The following SULT1C3 variants were observed in gnomAD, a reference collection of about 807,000 sequenced individuals.
The protein encoded by SULT1C3 is sulfotransferase family 1C member 3.
Under a neutral mutation model 28.4 loss-of-function variants are expected in SULT1C3, and 31 were observed. That is an observed-to-expected ratio of 1.09 (90% CI 0.82 to 1.47). The LOEUF is 1.47. Among genes scored for constraint, SULT1C3 ranks in the 40% most tolerant of loss-of-function variants. The pLI is 0.00. For synonymous variants in SULT1C3, 106 were observed against 92.2 expected, an observed-to-expected ratio of 1.15 and a Z score of -0.86; for missense variants, 307 against 272.5, an observed-to-expected ratio of 1.13 and a Z score of -0.89.
At chr2:108,262,694 G>C (rs1676050221), downstream of SULT1C3, among the ~76,000 whole-genome samples, 1 of 152,144 alleles carries the variant, frequency 6.6e-6, no homozygotes, top group African/African-American at 2.4e-5. Flanking sequence ...GCATATTTTG[G>C]CTATGGGCTA....
intron 1 of SULT1C3, among the ~76,000 whole-genome samples, chr2:108,244,651 A>C (rs1001642252): frequency 1.2e-4 from 18 of 152,190 alleles, no homozygotes; most frequent in Admixed American, 3.9e-4. Context: ...ACTGAGTTAA[A>C]TTTTGGAAAG....
chr2:108,252,107 A>T (rs73951722), intron 2 of SULT1C3, among the ~76,000 whole-genome samples: 1,833 of 151,492 alleles, frequency 0.012, 35 homozygotes, highest in African/African-American at 0.041. Context: ...ACTTAGATAC[A>T]TAGATAGATA....
chr2:108,252,414 T>C lies in SULT1C3; in HGVS notation c.222T>C (p.Asp74=). Reference sequence around the variant, plus strand: ...TAGACATGATTCTAAATGATGGTGATGTGGAGAAATGCAAAAGAGCCCAGA... The same window carrying C: ...TAGACATGATTCTAAATGATGGTGACGTGGAGAAATGCAAAAGAGCCCAGA... ...EILDMILNDG[D]VEKCKRAQTL... is the part of the protein sequence containing the mutation. The change falls in exon 3 of 8, where the codon GAT becomes GAC. Residue 74 remains aspartate, a synonymous_variant. Transcript: ENST00000681802. 2.5e-6 allele frequency: 4 copies of C among 1,612,276 alleles called. No homozygotes were observed. The South Asian group carries it at 4.4e-5, about 18-fold the overall frequency.
At chr2:108,242,115 C>G (rs1573212082) in intron 1 of SULT1C3, among the ~76,000 whole-genome samples, 1 of 152,034 alleles carries the variant, frequency 6.6e-6, no homozygotes, top group East Asian at 1.9e-4. Flanking sequence ...ATTTAGCAAC[C>G]CTGGTATCTA....
At chr2:108,242,838 C>T (rs1675495383) in intron 1 of SULT1C3, among the ~76,000 whole-genome samples, 1 of 152,090 alleles carries the variant, frequency 6.6e-6, no homozygotes, top group African/African-American at 2.4e-5. Flanking sequence ...CTTTGGGCCT[C>T]TCATGCATGC....
At chr2:108,262,243 A>G (rs183734799), downstream of SULT1C3, among the ~76,000 whole-genome samples, 12 of 152,312 alleles carry the variant, frequency 7.9e-5, no homozygotes, top group East Asian at 2.3e-3. Flanking sequence ...ATGAGAATCC[A>G]CAATGATTAG....
At chr2:108,254,106 C>G (rs1231847900) in intron 4 of SULT1C3, among the ~76,000 whole-genome samples, 1 of 151,988 alleles carries the variant, frequency 6.6e-6, no homozygotes, top group East Asian at 1.9e-4. Context: ...CACAATCTGA[C>G]TGAGGTATTT....
At chr2:108,258,095 G>A (rs1431926370) in intron 5 of SULT1C3, among the ~76,000 whole-genome samples, 2 of 152,042 alleles carry the variant, frequency 1.3e-5, no homozygotes, top group Non-Finnish European at 2.9e-5. Flanking sequence ...AGCTCACCCT[G>A]AATAAAGATA....
rs142233503 is a variant in SULT1C3, at chr2:108,246,515, G to A, written c.-7-673G>A. Among the ~76,000 whole-genome samples the A allele has an allele frequency of 1.8e-3, 281 of 152,196 alleles. 1 individual carries two copies. The highest frequency in any genetic ancestry group is 6.5e-3 in the African/African-American group (269 of 41,508). On this transcript the variant is annotated intron_variant, in intron 1 of 7. Transcript: ENST00000681802. ...CCTTATAATGGGTGGGGACACAGGCGAACCATATCAGACCCCAACTAAATT... is the reference window on the plus strand; with the variant it reads ...CCTTATAATGGGTGGGGACACAGGCAAACCATATCAGACCCCAACTAAATT...
intron 1 of SULT1C3, 101 bp from the exon 2 acceptor site, chr2:108,247,087 T>C: frequency 1.2e-6 from 1 of 856,062 alleles, no homozygotes; most frequent in South Asian, 5.3e-5. Flanking sequence ...TCACTTATTT[T>C]ATGCTATTCT....
intron 1 of SULT1C3, among the ~76,000 whole-genome samples, chr2:108,245,152 T>A (rs909623025): frequency 1.3e-5 from 2 of 152,136 alleles, no homozygotes; most frequent in Non-Finnish European, 2.9e-5. Context: ...TGGCACCCAT[T>A]TAAATGTGCC....
At position 108,260,732 on chromosome 2, in the gene SULT1C3, T is replaced by A. The variant is rs1188224721; in HGVS notation, c.*52T>A. 1 of 450,218 alleles carries A rather than the reference T, an allele frequency of 2.2e-6. No homozygotes were observed. The highest frequency in any genetic ancestry group is 4.5e-6 in the Non-Finnish European group (1 of 223,518). 27.9% of individuals were successfully genotyped at this position (450,218 alleles called of 1,614,324 possible). A position where few individuals can be genotyped will look rare whatever the true frequency, so the allele number is the denominator to read the frequency against. On this transcript the variant is annotated 3_prime_UTR_variant, in exon 8 of 8. Coordinates refer to ENST00000681802, the MANE Select transcript of SULT1C3 (RefSeq NM_001320878.2). ...GAGACTATGCCAACTATTTCGCCTT[T>A]TATTCTGTTGAGCAAGGAACTGTGA...
At chr2:108,242,188 T>TAA (rs1243846016) in intron 1 of SULT1C3, among the ~76,000 whole-genome samples, 5 of 152,212 alleles carry the variant, frequency 3.3e-5, no homozygotes, top group African/African-American at 1.2e-4. Flanking sequence ...CAATAATTCT[T>TAA]AAGAGTATTT....
chr2:108,253,555 C>G (rs760215064), intron 4 of SULT1C3, 113 bp downstream of exon 4: 1 of 540,984 alleles, frequency 1.8e-6, no homozygotes. Context: ...ATATAATTTG[C>G]TATTTTTCTT....
chr2:108,243,317 T>A (rs537275423), intron 1 of SULT1C3, among the ~76,000 whole-genome samples: 1 of 152,154 alleles, frequency 6.6e-6, no homozygotes, highest in Non-Finnish European at 1.5e-5. Flanking sequence ...AAAACAAAGA[T>A]GGTAACAGCT....
downstream of SULT1C3, among the ~76,000 whole-genome samples, chr2:108,262,972 T>C (rs200704741): frequency 6.6e-6 from 1 of 152,202 alleles, no homozygotes; most frequent in East Asian, 1.9e-4. Flanking sequence ...TACATGTAAG[T>C]GTGCATGCCT....
downstream of SULT1C3, among the ~76,000 whole-genome samples, chr2:108,263,883 A>G (rs552873705): frequency 9.0e-4 from 137 of 152,210 alleles, no homozygotes; most frequent in Non-Finnish European, 1.8e-3. Flanking sequence ...GAAATAGCAC[A>G]TGCTTTATAG....
At chr2:108,244,792 T>C (rs1423412524) in intron 1 of SULT1C3, among the ~76,000 whole-genome samples, 3 of 152,186 alleles carry the variant, frequency 2.0e-5, no homozygotes, top group Non-Finnish European at 4.4e-5. Context: ...TCCCAGGACC[T>C]TGCTTTTCTA....
downstream of SULT1C3, among the ~76,000 whole-genome samples, chr2:108,262,279 G>T (rs900433975): frequency 2.0e-5 from 3 of 152,132 alleles, no homozygotes; most frequent in Non-Finnish European, 4.4e-5. Context: ...GGTACTGTCA[G>T]AGTCCACAGT....
Sources: gnomAD v4.1 joint callset for allele counts (sites outside exome capture counted in the v4.1 genomes callset) on GRCh38, gnomAD v4.1.1 for gene constraint, MANE v1.5 for transcripts, NCBI Gene and HGNC (gene_info 2026-07-23, HGNC 2026-07-21) for gene names.